CYRIB: variants seen among roughly 807,000 people sequenced by gnomAD.
The protein encoded by CYRIB is CYFIP related Rac1 interactor B.
Under a neutral mutation model 44.2 loss-of-function variants are expected in CYRIB, and 8 were observed. That is an observed-to-expected ratio of 0.18 (90% CI 0.11 to 0.33). The LOEUF is 0.33. Among genes scored for constraint, CYRIB ranks in the 10% least tolerant of loss-of-function variants. The pLI, the probability that CYRIB is intolerant of heterozygous loss-of-function variation, is 1.00. For synonymous variants in CYRIB, 131 were observed against 127.2 expected, an observed-to-expected ratio of 1.03 and a Z score of -0.20; for missense variants, 185 against 382.8, an observed-to-expected ratio of 0.48 and a Z score of 4.31.
At chr8:129,865,069 T>A (rs1325558144) in intron 4 of CYRIB, 2 of 159,074 alleles carry the variant, frequency 1.3e-5, no homozygotes, top group Middle Eastern at 3.0e-3. Context: ...CACTAATATA[T>A]GTTTGTATAA....
At chr8:129,853,755 C>A (rs1449338870) in intron 7 of CYRIB, among the ~76,000 whole-genome samples, 1 of 152,182 alleles carries the variant, frequency 6.6e-6, no homozygotes, top group Non-Finnish European at 1.5e-5. Flanking sequence ...GGAGCAGGCA[C>A]AAAGCCATTT....
intron 1 of CYRIB, among the ~76,000 whole-genome samples, chr8:129,920,137 G>A (rs2082800880): frequency 6.7e-6 from 1 of 150,356 alleles, no homozygotes; most frequent in Non-Finnish European, 1.5e-5. Flanking sequence ...ACTCTTTCAT[G>A]GTCAGAGTAT....
At chr8:129,938,541 T>C (rs963375807) in intron 1 of CYRIB, among the ~76,000 whole-genome samples, 1 of 152,176 alleles carries the variant, frequency 6.6e-6, no homozygotes, top group Admixed American at 6.5e-5. Context: ...CCAAAAACCT[T>C]TGTCTTATCC....
chr8:129,847,496 G>C (rs531540346), intron 10 of CYRIB, among the ~76,000 whole-genome samples: 1 of 152,106 alleles, frequency 6.6e-6, no homozygotes, highest in African/African-American at 2.4e-5. Context: ...ATAAAGGACA[G>C]AATGAGTATG....
At chr8:129,962,866 A>G (rs151243531) in intron 2 of CYRIB, among the ~76,000 whole-genome samples, 1 of 152,354 alleles carries the variant, frequency 6.6e-6, no homozygotes, top group Non-Finnish European at 1.5e-5. Context: ...CACAAACGGT[A>G]CCCGCATTTC....
chr8:129,943,704 T>G (rs1478826149), upstream of CYRIB, among the ~76,000 whole-genome samples: 6 of 145,512 alleles, frequency 4.1e-5, no homozygotes, highest in Admixed American at 1.4e-4. Flanking sequence ...GTTCACGCCA[T>G]TCTCCTGCCT....
intron 1 of CYRIB, among the ~76,000 whole-genome samples, chr8:129,930,468 G>A (rs1363864473): frequency 6.9e-6 from 1 of 144,594 alleles, no homozygotes; most frequent in East Asian, 2.0e-4. Context: ...ATAAAACACT[G>A]TTTTTAAAAG....
At chr8:129,872,832 A>G (rs1287486404) in intron 3 of CYRIB, among the ~76,000 whole-genome samples, 2 of 152,038 alleles carry the variant, frequency 1.3e-5, no homozygotes, top group Non-Finnish European at 2.9e-5. Flanking sequence ...AAATTAGTTA[A>G]CTAGACTTTT....
At chr8:129,957,226 C>A (rs1367710751) in intron 2 of CYRIB, among the ~76,000 whole-genome samples, 2 of 152,128 alleles carry the variant, frequency 1.3e-5, no homozygotes, top group East Asian at 3.9e-4. Flanking sequence ...CATACCTTTC[C>A]CCAAGTCCAG....
At chr8:129,921,809 T>C (rs966212132) in intron 1 of CYRIB, among the ~76,000 whole-genome samples, 7 of 152,134 alleles carry the variant, frequency 4.6e-5, no homozygotes, top group Non-Finnish European at 7.3e-5. Context: ...TTATGAAATA[T>C]TTTCTATCAG....
intron 4 of CYRIB, chr8:129,865,181 G>A (rs10283332): frequency 0.017 from 2,582 of 153,054 alleles, 59 homozygotes; most frequent in African/African-American, 0.053. Context: ...TCAAATCATA[G>A]AACTTAAAGT....
rs149394575 is a variant in CYRIB at position 129,977,294 on chromosome 8, G to A, written c.-295-6299C>T. Among the ~76,000 whole-genome samples, 441 of 152,222 alleles carry A rather than the reference G, an allele frequency of 2.9e-3. 4 individuals carry two copies. Among genetic ancestry groups the A allele is most frequent in the African/African-American group, 0.01 (424 of 41,528 alleles). On this transcript the variant is annotated intron_variant, in intron 1 of 14. Coordinates refer to the CYRIB transcript ENST00000401979. ...CATGTTCAGCTCAAGATTCACACTC[G>A]TTCACAGTAGACCTCTGTATGGCTC...
chr8:129,892,800 GATGA>G (rs931153771), intron 2 of CYRIB, among the ~76,000 whole-genome samples: 43 of 152,094 alleles, frequency 2.8e-4, no homozygotes, highest in African/African-American at 9.9e-4. Flanking sequence ...ATACGATAAA[GATGA>G]ATAAGAGAAC....
At chr8:129,955,252 CA>C (rs34829432) in intron 2 of CYRIB, among the ~76,000 whole-genome samples, 60,014 of 102,794 alleles carry the variant, frequency 0.58, 14,798 homozygotes, top group Middle Eastern at 0.65. Context: ...AACTCCGTCT[CA>C]AAAAAAAAAA....
chr8:129,988,293 C>A (rs1042620180), intron 1 of CYRIB, among the ~76,000 whole-genome samples: 1 of 152,172 alleles, frequency 6.6e-6, no homozygotes, highest in Non-Finnish European at 1.5e-5. Flanking sequence ...TGCTTCGGCA[C>A]GCTGCTGACG....
At chr8:129,969,918 T>A (rs1280526264) in intron 2 of CYRIB, among the ~76,000 whole-genome samples, 1 of 152,176 alleles carries the variant, frequency 6.6e-6, no homozygotes, top group African/African-American at 2.4e-5. Flanking sequence ...CTATTTAAAG[T>A]GGTGTTTTAT....
intron 2 of CYRIB, among the ~76,000 whole-genome samples, chr8:129,947,223 A>T (rs1322666222): frequency 6.6e-6 from 1 of 151,914 alleles, no homozygotes. Context: ...ATGCTCAGCT[A>T]ATTTTTTCAT....
intron 1 of CYRIB, among the ~76,000 whole-genome samples, chr8:130,009,563 C>T (rs935291367): frequency 2.0e-5 from 3 of 152,068 alleles, no homozygotes; most frequent in Non-Finnish European, 4.4e-5. Context: ...CCACTGCGCC[C>T]GGCCCAAAAG....
chr8:129,865,638 C>T (rs941175762), intron 4 of CYRIB, among the ~76,000 whole-genome samples: 2 of 152,180 alleles, frequency 1.3e-5, no homozygotes, highest in African/African-American at 4.8e-5. Flanking sequence ...TCTGGGTTAA[C>T]CTAAACAAAA....
Sources: allele counts gnomAD v4.1 joint callset (sites outside exome capture counted in the v4.1 genomes callset), GRCh38; gene constraint gnomAD v4.1.1; transcripts MANE v1.5; gene names NCBI Gene and HGNC (gene_info 2026-07-23, HGNC 2026-07-21).